Variants in GABRR2 observed in about 807,000 individuals in gnomAD.
The protein encoded by GABRR2 is gamma-aminobutyric acid receptor subunit rho-2.
In GABRR2, 36 loss-of-function variants were observed where a neutral mutation model predicts 47.0. That is an observed-to-expected ratio of 0.77 (90% CI 0.59 to 1.01). The LOEUF (loss-of-function observed/expected upper bound fraction) is 1.01, where lower values mean the gene tolerates loss of function less well. GABRR2 is among the 50% of genes least tolerant of loss of function. The pLI, the probability that GABRR2 is intolerant of heterozygous loss-of-function variation, is 0.00. For synonymous variants in GABRR2, 204 were observed against 227.5 expected (o/e 0.90, Z 0.93); for missense variants, 587 against 594.6 (o/e 0.99, Z 0.13).
At chr6:89,284,723 C>A (rs774431376) in intron 2 of GABRR2, among the ~76,000 whole-genome samples, 2 of 152,284 alleles carry the variant, frequency 1.3e-5, no homozygotes, top group Non-Finnish European at 2.9e-5. Flanking sequence ...TCTAACCCAG[C>A]GAGACCCATT....
Position 89,268,021 on chromosome 6 carries a change from C to T in GABRR2, c.588G>A (p.Leu196=), listed in dbSNP as rs1296038366. The T allele has an allele frequency of 2.5e-6, 4 of 1,611,290 alleles. No individual in the cohort carries two copies. Among genetic ancestry groups the T allele is most frequent in the East Asian group, 2.2e-5 (1 of 44,808 alleles). Residue 196 remains leucine, a synonymous_variant, in exon 5 of 9, where the codon CTG becomes CTA. Coordinates refer to ENST00000402938, the MANE Select transcript of GABRR2 (RefSeq NM_002043.5). ...AGGAATGCTGATACTTACAGCTCTC[C>T]AGCTCCAAAGAACAGGTCTGGGAGT... ...PLDSQTCSLE[L]ESYAYTDEDL... is the part of the protein sequence containing the mutation.
chr6:89,278,641 C>A (rs147792231), intron 2 of GABRR2, among the ~76,000 whole-genome samples: 2 of 152,322 alleles, frequency 1.3e-5, no homozygotes, highest in Admixed American at 6.5e-5. Flanking sequence ...GGGGTCCCCA[C>A]AGTGTCCCAT....
At chr6:89,310,605 T>G (rs998491560) in intron 1 of GABRR2, among the ~76,000 whole-genome samples, 32 of 152,144 alleles carry the variant, frequency 2.1e-4, no homozygotes, top group African/African-American at 7.7e-4. Context: ...CCTTTATATC[T>G]GATTCCTAAC....
In GABRR2 at chr6:89,269,183, C is replaced by G; in HGVS notation, c.340G>C (p.Ala114Pro). ...CTCTTGTTGCTGGCGCTGGAGAAAG[C>G]TAGCCTCTCATCCTTCCAGTAATGC... ...LRHYWKDERL[A>P]FSSASNKSMT... Residue 114 changes from alanine to proline, a missense_variant, in exon 4 of 9, where the codon GCT becomes CCT. Transcript: ENST00000402938. 6.2e-7 allele frequency: 1 copy of G among 1,614,068 alleles called. No homozygotes were observed. The highest frequency in any genetic ancestry group is 8.5e-7 in the Non-Finnish European group (1 of 1,179,906).
intron 1 of GABRR2, among the ~76,000 whole-genome samples, chr6:89,304,070 A>G (rs1024253538): frequency 6.6e-6 from 1 of 152,256 alleles, no homozygotes; most frequent in Non-Finnish European, 1.5e-5. Context: ...TGGAGACACC[A>G]AAAGCAATTA....
rs188354493 is a variant in GABRR2, at chr6:89,313,292, C to G, written c.113+1761G>C. Among the ~76,000 whole-genome samples, 795 of 152,282 alleles carry G rather than the reference C, an allele frequency of 5.2e-3. 8 individuals are homozygous for G. Among genetic ancestry groups the G allele is most frequent in the African/African-American group, 0.018 (761 of 41,556 alleles). ...GGATTTTTTAGTTGTTTCTGAGAAG[C>G]CCTGCATAATTTATCCCTCTCTTCA... On this transcript the variant is annotated intron_variant, in intron 1 of 8. Coordinates refer to ENST00000402938, the MANE Select transcript of GABRR2 (RefSeq NM_002043.5).
In GABRR2 at chr6:89,283,810, G is replaced by A. The variant is rs887058046; in HGVS notation, c.221-12088C>T. ...AGGGAGAAGTGTACGGGGTGGGCACGTTCACGATCACACTATATTAGAGTC... is the reference window on the plus strand; with the variant it reads ...AGGGAGAAGTGTACGGGGTGGGCACATTCACGATCACACTATATTAGAGTC... On this transcript the variant is annotated intron_variant, in intron 2 of 8. Transcript: ENST00000402938. Among the ~76,000 whole-genome samples the A allele has an allele frequency of 2.3e-4, 35 of 152,262 alleles. 1 individual carries two copies. The highest frequency in any genetic ancestry group is 2.0e-3 in the Admixed American group (31 of 15,312).
chr6:89,285,057 C>A (rs1774310549), intron 2 of GABRR2, among the ~76,000 whole-genome samples: 1 of 152,194 alleles, frequency 6.6e-6, no homozygotes, highest in Admixed American at 6.5e-5. Context: ...CAGCCTTGCC[C>A]TTTTCCACTG....
chr6:89,283,908 G>A (rs1038857747), intron 2 of GABRR2, among the ~76,000 whole-genome samples: 1 of 152,140 alleles, frequency 6.6e-6, no homozygotes, highest in African/African-American at 2.4e-5. Flanking sequence ...CTATTTGAAG[G>A]ATAGTCATGT....
chr6:89,271,721 G>A lies in GABRR2; in HGVS notation c.222C>T (p.Gly74=), dbSNP rs141403078. The change falls in exon 3 of 9, where the codon GGC becomes GGT. Residue 74 remains glycine, a splice_region_variant and synonymous_variant. Coordinates refer to ENST00000402938, the MANE Select transcript of GABRR2 (RefSeq NM_002043.5). The stretch of plus-strand genomic sequence containing the variant: ...CGTCCACGCCCACCGGGATGGCAGG[G>A]CCTGCAGAAGAGCAGAGACAGCTGG... The part of the protein sequence containing the change: ...HDFSMRPAFG[G]PAIPVGVDVQ... 1 of 1,611,408 alleles carries A rather than the reference G, an allele frequency of 6.2e-7. No homozygotes were observed. The highest frequency in any genetic ancestry group is 1.1e-5 in the South Asian group (1 of 90,382).
intron 2 of GABRR2, among the ~76,000 whole-genome samples, chr6:89,295,044 T>G (rs1774531815): frequency 6.6e-6 from 1 of 152,184 alleles, no homozygotes; most frequent in Non-Finnish European, 1.5e-5. Flanking sequence ...CTATCATTGA[T>G]GGACATTTGG....
At chr6:89,260,540 C>T (rs1773722142) in intron 8 of GABRR2, among the ~76,000 whole-genome samples, 2 of 152,320 alleles carry the variant, frequency 1.3e-5, no homozygotes, top group Admixed American at 1.3e-4. Context: ...CCACGTGTTC[C>T]CGCATGCTCT....
At position 89,299,882 on chromosome 6, in the gene GABRR2, G is replaced by A. The variant is rs201286050; in HGVS notation, c.114-17C>T. 2 of 1,534,282 alleles carry A rather than the reference G, an allele frequency of 1.3e-6. No homozygotes were observed. The highest frequency in any genetic ancestry group is 9.0e-7 in the Non-Finnish European group (1 of 1,107,434). On this transcript the variant is annotated splice_polypyrimidine_tract_variant and intron_variant, in intron 1 of 8. Transcript: ENST00000402938. ...TATAAGTGACTGTGAAGACAAGCAA[G>A]AAACTATTTTCCATCGGCTCTTCAA...
intron 3 of GABRR2, among the ~76,000 whole-genome samples, chr6:89,271,001 A>G (rs1465669076): frequency 2.0e-5 from 3 of 152,218 alleles, no homozygotes; most frequent in Non-Finnish European, 4.4e-5. Flanking sequence ...CTCTTTGAAG[A>G]AGTCTCATTT....
chr6:89,304,525 G>T (rs1767517650), intron 1 of GABRR2, among the ~76,000 whole-genome samples: 1 of 151,650 alleles, frequency 6.6e-6, no homozygotes, highest in Non-Finnish European at 1.5e-5. Context: ...GGAGGCAGAG[G>T]TTGCAGTGAG....
chr6:89,282,970 G>T (rs976481042), intron 2 of GABRR2, among the ~76,000 whole-genome samples: 3 of 152,224 alleles, frequency 2.0e-5, no homozygotes, highest in African/African-American at 7.2e-5. Context: ...TGCACACGTG[G>T]TCACACTCAC....
chr6:89,298,560 A>G (rs186696022), intron 2 of GABRR2, among the ~76,000 whole-genome samples: 1 of 152,330 alleles, frequency 6.6e-6, no homozygotes, highest in East Asian at 1.9e-4. Context: ...GAAAAAGGAA[A>G]AAGGGAAGCC....
chr6:89,293,773 C>A (rs1043058456), intron 2 of GABRR2, among the ~76,000 whole-genome samples: 1 of 152,098 alleles, frequency 6.6e-6, no homozygotes, highest in Non-Finnish European at 1.5e-5. Flanking sequence ...CGCAACAGAG[C>A]GAGACCATGT....
In GABRR2 at chr6:89,271,624, T is replaced by G. The variant is rs373888602; in HGVS notation, c.288+31A>C. ...CCGAGGCCCACTACACTACAGGCTCTCACGCTGTGTCACTGGAGGCCGCTG... is the reference window on the plus strand; with the variant it reads ...CCGAGGCCCACTACACTACAGGCTCGCACGCTGTGTCACTGGAGGCCGCTG... On this transcript the variant is annotated intron_variant, in intron 3 of 8. Transcript: ENST00000402938. 32 of 1,591,932 alleles carry G rather than the reference T, an allele frequency of 2.0e-5. No homozygotes were observed. In the Middle Eastern group the frequency reaches 5.0e-4, roughly 25 times the overall value.
Sources: gnomAD v4.1 joint callset for allele counts (sites outside exome capture counted in the v4.1 genomes callset) on GRCh38, gnomAD v4.1.1 for gene constraint, MANE v1.5 for transcripts, NCBI Gene and HGNC (gene_info 2026-07-23, HGNC 2026-07-21) for gene names.